Variants in TCERG1 observed in about 807,000 individuals in gnomAD.
The protein encoded by TCERG1 is TATA box binding protein (TBP)-associated factor, RNA polymerase II, S, 150kD.
TCERG1 carries 37 observed loss-of-function variants against 144.7 expected under a neutral mutation model. The ratio of observed to expected loss-of-function variants is 0.26; its 90% CI spans 0.20 to 0.34. The LOEUF is 0.34. Ranked by LOEUF, TCERG1 falls within the 10% of genes least tolerant of loss-of-function variation. The pLI is 1.00. For missense variants in TCERG1, 1,027 were observed against 1,380.7 expected (o/e 0.74, Z 4.06); for synonymous variants, 492 against 458.2 (o/e 1.07, Z -0.94).
intron 9 of TCERG1, among the ~76,000 whole-genome samples, chr5:146,472,725 G>GTGTGTGTGTGTGTGTGTGTGTGTGT (rs1490572810): frequency 2.2e-4 from 33 of 151,686 alleles, no homozygotes; most frequent in Admixed American, 2.2e-3. Context: ...GTGTGTGTGT[G>GTGTGTGTGTGTGTGTGTGTGTGTGT]TGTTTTGAGA....
At position 146,510,906 on chromosome 5, in the gene TCERG1, G is replaced by A. The variant is rs1370678012; in HGVS notation, c.*264G>A. 2 of 272,896 alleles carry A rather than the reference G, an allele frequency of 7.3e-6. No homozygotes were observed. Among genetic ancestry groups the A allele is most frequent in the African/African-American group, 2.2e-5 (1 of 45,844 alleles). 16.9% of individuals were successfully genotyped at this position (272,896 alleles called of 1,614,324 possible). On this transcript the variant is annotated 3_prime_UTR_variant, in exon 23 of 23. Transcript: ENST00000679501. ...AAGCTAAAATTCATCCTTTTATGAG[G>A]TGTGGAAGTCAGTGACTTGGTGACG...
At chr5:146,465,496 C>T (rs539275061) in intron 5 of TCERG1, among the ~76,000 whole-genome samples, 73 of 152,200 alleles carry the variant, frequency 4.8e-4, no homozygotes, top group African/African-American at 1.7e-3. Context: ...GTCATATTTT[C>T]CCCAAAATAT....
intron 14 of TCERG1, 92 bp downstream of exon 14, chr5:146,482,819 A>C: frequency 2.2e-4 from 299 of 1,370,714 alleles, no homozygotes; most frequent in Non-Finnish European, 2.6e-4. Flanking sequence ...GTTAGTGCTC[A>C]TGTTATGGGG....
In TCERG1 at chr5:146,509,222, A is replaced by G. The variant is rs1245102989; in HGVS notation, c.3123A>G (p.Lys1041=). The change falls in exon 22 of 23, where the codon AAA becomes AAG. Residue 1041 remains lysine, a synonymous_variant. Coordinates refer to ENST00000679501, the MANE Select transcript of TCERG1 (RefSeq NM_001382548.1). The stretch of plus-strand genomic sequence containing the variant: ...AAGCTGACTTCAGGACGCTTTTGAA[A>G]GAGACCAAATTTATAACATATAGGT... The part of the protein sequence containing the change: ...TAKADFRTLL[K]ETKFITYRSK... 2 of 1,609,450 alleles carry G rather than the reference A, an allele frequency of 1.2e-6. No homozygotes were observed. The highest frequency in any genetic ancestry group is 2.7e-5 in the African/African-American group (2 of 74,682).
intron 15 of TCERG1, among the ~76,000 whole-genome samples, chr5:146,488,533 C>T (rs1406757678): frequency 2.0e-5 from 3 of 152,004 alleles, no homozygotes; most frequent in East Asian, 1.9e-4. Flanking sequence ...TGAGGTGTCT[C>T]ACTCAGTTAG....
chr5:146,450,771 GA>G (rs1384326858), intron 1 of TCERG1, among the ~76,000 whole-genome samples: 1 of 152,164 alleles, frequency 6.6e-6, no homozygotes, highest in South Asian at 2.1e-4. Context: ...GCAGACTTTT[GA>G]AAACCATAAC....
intron 16 of TCERG1, among the ~76,000 whole-genome samples, chr5:146,495,423 A>C (rs1766799291): frequency 6.6e-6 from 1 of 152,212 alleles, no homozygotes; most frequent in African/African-American, 2.4e-5. Flanking sequence ...TGAAAATAAA[A>C]CATTTAATGG....
rs1439629596 is a variant in TCERG1 at position 146,509,201 on chromosome 5, T to C, written c.3102T>C (p.Ala1034=). Residue 1034 remains alanine (A), a synonymous_variant, in exon 22 of 23, where the codon GCT becomes GCC. Transcript: ENST00000679501. ...YIRDKYITAK[A]DFRTLLKETK... Reference sequence around the variant, plus strand: ...GAGACAAATATATCACAGCCAAAGCTGACTTCAGGACGCTTTTGAAAGAGA... The same window carrying C: ...GAGACAAATATATCACAGCCAAAGCCGACTTCAGGACGCTTTTGAAAGAGA... 1.2e-6 allele frequency: 2 copies of C among 1,609,838 alleles called. No homozygotes were observed. The highest frequency in any genetic ancestry group is 2.2e-5 in the South Asian group (2 of 90,156).
intron 18 of TCERG1, 127 bp from the exon 19 acceptor site, chr5:146,503,697 C>A: frequency 7.4e-7 from 1 of 1,350,226 alleles, no homozygotes; most frequent in Non-Finnish European, 1.0e-6. Flanking sequence ...ATGAGAGGTA[C>A]ACAGTGTTTA....
At chr5:146,492,527 G>A (rs79455943) in intron 15 of TCERG1, among the ~76,000 whole-genome samples, 3,134 of 152,212 alleles carry the variant, frequency 0.021, 50 homozygotes, top group Middle Eastern at 0.054. Context: ...AAATACTTAT[G>A]TCTTAAGAGA....
chr5:146,504,087 T>C, intron 19 of TCERG1, 81 bp downstream of exon 19: 1 of 1,255,660 alleles, frequency 8.0e-7, no homozygotes, highest in South Asian at 2.9e-5. Context: ...AATATTTTAA[T>C]GTTCTTTAAT....
intron 14 of TCERG1, 107 bp downstream of exon 14, chr5:146,482,834 A>T: frequency 7.6e-7 from 1 of 1,321,076 alleles, no homozygotes; most frequent in Non-Finnish European, 9.8e-7. Flanking sequence ...ATGGGGGGGG[A>T]TAAGGGGATT....
intron 13 of TCERG1, chr5:146,482,091 A>G (rs2150552588): frequency 6.6e-6 from 1 of 152,328 alleles, no homozygotes; most frequent in African/African-American, 2.4e-5. Flanking sequence ...TTATTTTTAA[A>G]ATGAATGTTT....
At chr5:146,447,631 G>T (rs1761980600) in intron 1 of TCERG1, among the ~76,000 whole-genome samples, 1 of 152,234 alleles carries the variant, frequency 6.6e-6, no homozygotes, top group African/African-American at 2.4e-5. Context: ...CTGCTTCCTA[G>T]TGCTTTCTTG....
rs62372828 is a variant in TCERG1 at position 146,510,606 on chromosome 5, C to T, written c.3312C>T (p.Pro1104=). Residue 1104 remains proline, a synonymous_variant, in exon 23 of 23, where the codon CCC becomes CCT. Coordinates refer to ENST00000679501, the MANE Select transcript of TCERG1 (RefSeq NM_001382548.1). ...DLDRRGPPPP[P]TASEPTRRST... is the part of the protein sequence containing the mutation. ...ATCGCCGGGGTCCACCCCCACCTCC[C>T]ACAGCATCGGAGCCCACGAGACGAT... is the stretch of plus-strand genomic sequence containing the variant. The T allele has an allele frequency of 0.014, 22,410 of 1,614,096 alleles. 165 individuals are homozygous for T. Among genetic ancestry groups the T allele is most frequent in the Non-Finnish European group, 0.017 (19,976 of 1,179,988 alleles).
chr5:146,492,934 T>C lies in TCERG1; in HGVS notation c.2178T>C (p.Tyr726=). Residue 726 remains tyrosine (Y), a synonymous_variant, in exon 16 of 23, where the codon TAT becomes TAC. Coordinates refer to ENST00000679501, the MANE Select transcript of TCERG1 (RefSeq NM_001382548.1). ...TTTTATAATAGGTGTTTGATCAGTA[T>C]GTAAAGACCAGGGCAGAGGAAGAAC... is the stretch of plus-strand genomic sequence containing the variant. The part of the protein sequence containing the change: ...PKERKQVFDQ[Y]VKTRAEEERR... 3 of 1,607,420 alleles carry C rather than the reference T, an allele frequency of 1.9e-6. No individual in the cohort carries two copies. The highest frequency in any genetic ancestry group is 2.5e-6 in the Non-Finnish European group (3 of 1,177,048).
chr5:146,511,652 A>G lies in TCERG1; in HGVS notation c.*1010A>G, dbSNP rs1265945596. On this transcript the variant is annotated 3_prime_UTR_variant, in exon 23 of 23. Transcript: ENST00000679501. ...AGTTTTTAAAGGTTTGAATATAATAATGCAGTATTTGCAGTATAAAAAGGA... is the reference window on the plus strand; with the variant it reads ...AGTTTTTAAAGGTTTGAATATAATAGTGCAGTATTTGCAGTATAAAAAGGA... The G allele has an allele frequency of 6.5e-6, 1 of 152,680 alleles. No individual in the cohort carries two copies. Among genetic ancestry groups the G allele is most frequent in the African/African-American group, 2.4e-5 (1 of 41,464 alleles). The allele number at this position is 152,680 out of a possible 1,614,324, so 9.5% of individuals were successfully genotyped here. A position where few individuals can be genotyped will look rare whatever the true frequency, so the allele number is the denominator to read the frequency against.
chr5:146,467,054 A>G (rs1763855802), intron 5 of TCERG1, among the ~76,000 whole-genome samples: 1 of 152,228 alleles, frequency 6.6e-6, no homozygotes, highest in Non-Finnish European at 1.5e-5. Context: ...ATAAAATTAT[A>G]CATATAACTT....
chr5:146,490,786 A>G (rs1355101590), intron 15 of TCERG1, among the ~76,000 whole-genome samples: 1 of 152,080 alleles, frequency 6.6e-6, no homozygotes, highest in Non-Finnish European at 1.5e-5. Context: ...ATTTGCCTTC[A>G]TGGATTGGTT....
Sources: gnomAD v4.1 joint callset for allele counts (sites outside exome capture counted in the v4.1 genomes callset) on GRCh38, gnomAD v4.1.1 for gene constraint, MANE v1.5 for transcripts, NCBI Gene and HGNC (gene_info 2026-07-23, HGNC 2026-07-21) for gene names.